NIBAN3: variants seen among roughly 807,000 people sequenced by gnomAD.
The protein encoded by NIBAN3 is protein Niban 3.
NIBAN3 carries 66 observed loss-of-function variants against 76.4 expected under a neutral mutation model. The ratio of observed to expected loss-of-function variants is 0.86; its 90% CI spans 0.71 to 1.06. NIBAN3 has a LOEUF of 1.06. NIBAN3 is among the 50% of genes least tolerant of loss of function. The pLI is 0.00. For missense variants in NIBAN3, 808 were observed against 810.7 expected (o/e 1.00, Z 0.04); for synonymous variants, 360 against 355.2 (o/e 1.01, Z -0.15).
At chr19:17,533,283 G>T (rs2075763344) in intron 3 of NIBAN3, among the ~76,000 whole-genome samples, 1 of 152,070 alleles carries the variant, frequency 6.6e-6, no homozygotes, top group Non-Finnish European at 1.5e-5. Context: ...GGTGGCGGGT[G>T]CCTGTAATCC....
At chr19:17,551,083 T>C (rs1454866949) in intron 14 of NIBAN3, among the ~76,000 whole-genome samples, 2 of 151,790 alleles carry the variant, frequency 1.3e-5, no homozygotes, top group African/African-American at 4.8e-5. Flanking sequence ...TACATTTCTT[T>C]TTCTTTTTAT....
At chr19:17,555,385 G>A (rs2144808877), downstream of NIBAN3, among the ~76,000 whole-genome samples, 1 of 152,336 alleles carries the variant, frequency 6.6e-6, no homozygotes, top group Non-Finnish European at 1.5e-5. Flanking sequence ...GAAATTGGGC[G>A]GCGCATCTGG....
At chr19:17,546,966 G>A (rs1159142979) in intron 13 of NIBAN3, among the ~76,000 whole-genome samples, 169 bp downstream of exon 13, 2 of 152,194 alleles carry the variant, frequency 1.3e-5, no homozygotes, top group African/African-American at 4.8e-5. Context: ...GAGGGGCAGG[G>A]ATGGATACTC....
intron 4 of NIBAN3, among the ~76,000 whole-genome samples, chr19:17,536,493 T>C (rs2075826913): frequency 6.6e-6 from 1 of 151,706 alleles, no homozygotes; most frequent in African/African-American, 2.4e-5. Context: ...CTGGCCTGGA[T>C]TGTTGGGTTT....
chr19:17,548,030 G>A (rs191169048), intron 13 of NIBAN3, among the ~76,000 whole-genome samples: 1 of 152,110 alleles, frequency 6.6e-6, no homozygotes, highest in South Asian at 2.1e-4. Context: ...TTTTTCTCTG[G>A]GCTGGCATTG....
chr19:17,553,608 C>G lies in NIBAN3; in HGVS notation c.*1710C>G. ...CCTATTTCCCTCCAACCCCACCTTC[C>G]GAAATACATTTGCTCAATACATTTG... On this transcript the variant is annotated 3_prime_UTR_variant, in exon 15 of 15. Coordinates refer to ENST00000599164, the MANE Select transcript of NIBAN3 (RefSeq NM_001321827.2). 1.3e-6 allele frequency: 2 copies of G among 1,539,254 alleles called. No homozygotes were observed. The highest frequency in any genetic ancestry group is 1.8e-6 in the Non-Finnish European group (2 of 1,113,198).
chr19:17,537,767 G>A (rs993562375), intron 5 of NIBAN3, among the ~76,000 whole-genome samples: 3 of 152,100 alleles, frequency 2.0e-5, no homozygotes, highest in East Asian at 1.9e-4. Flanking sequence ...ACAACATGGC[G>A]AAATCCTGTC....
At chr19:17,543,739 TC>T in intron 12 of NIBAN3, 108 bp downstream of exon 12, 2 of 937,620 alleles carry the variant, frequency 2.1e-6, no homozygotes, top group Non-Finnish European at 3.2e-6. Flanking sequence ...ATGCCTGTAA[TC>T]CCAGCAATTT....
intron 13 of NIBAN3, 146 bp from the exon 14 acceptor site, chr19:17,549,298 T>C (rs957093253): frequency 1.8e-5 from 12 of 653,518 alleles, no homozygotes; most frequent in Non-Finnish European, 2.7e-5. Flanking sequence ...ATGTCTGCCA[T>C]GGGTGCGGGC....
In NIBAN3 at chr19:17,533,510, C is replaced by T; in HGVS notation, c.313-77C>T. 5.3e-6 allele frequency: 5 copies of T among 944,162 alleles called. No homozygotes were observed. In the South Asian group the frequency reaches 5.8e-5, roughly 11 times the overall value. 58.5% of individuals were successfully genotyped at this position (944,162 alleles called of 1,614,324 possible). On this transcript the variant is annotated intron_variant, in intron 3 of 14. Coordinates refer to ENST00000599164, the MANE Select transcript of NIBAN3 (RefSeq NM_001321827.2). Reference sequence around the variant, plus strand: ...GATTTTTCAGCTCATCTGAAATCTTCCCTTGATGGTATAGTTGGGACACAG... The same window carrying T: ...GATTTTTCAGCTCATCTGAAATCTTTCCTTGATGGTATAGTTGGGACACAG...
In NIBAN3 at chr19:17,546,863, C is replaced by A. The variant is rs925624260; in HGVS notation, c.1666+66C>A. 6.5e-6 allele frequency: 10 copies of A among 1,529,166 alleles called. No individual in the cohort carries two copies. The African/African-American group carries it at 1.4e-4, about 21-fold the overall frequency. The allele number at this position is 1,529,166 out of a possible 1,614,324, so 94.7% of individuals were successfully genotyped here. On this transcript the variant is annotated intron_variant, in intron 13 of 14. Coordinates refer to ENST00000599164, the MANE Select transcript of NIBAN3 (RefSeq NM_001321827.2). Reference sequence around the variant, plus strand: ...CCTTGGCTGTATGTACCGAGCCCCACCAGGGCCACATCGACTCTCACTTCC... The same window carrying A: ...CCTTGGCTGTATGTACCGAGCCCCAACAGGGCCACATCGACTCTCACTTCC...
At chr19:17,543,468 C>T (rs753171590) in intron 11 of NIBAN3, 35 bp downstream of exon 11, 35 of 1,607,882 alleles carry the variant, frequency 2.2e-5, no homozygotes, top group Non-Finnish European at 2.9e-5. Flanking sequence ...CATGGGGTGG[C>T]AGTGGGCCTG....
intron 8 of NIBAN3, 131 bp from the exon 9 acceptor site, chr19:17,540,261 C>A: frequency 1.6e-6 from 1 of 611,454 alleles, no homozygotes; most frequent in Non-Finnish European, 2.5e-6. Context: ...GCTCAGTTTT[C>A]TCATCATTAC....
chr19:17,532,149 T>TA, intron 2 of NIBAN3, 114 bp from the exon 3 acceptor site: 1 of 1,332,900 alleles, frequency 7.5e-7, no homozygotes, highest in Non-Finnish European at 1.0e-6. Flanking sequence ...CTGTCCAGCC[T>TA]GGGGCATCAC....
intron 4 of NIBAN3, among the ~76,000 whole-genome samples, chr19:17,534,136 G>T (rs1463154456): frequency 6.6e-6 from 1 of 152,128 alleles, no homozygotes; most frequent in Admixed American, 6.6e-5. Context: ...CTGGGAGGTG[G>T]TGGCAGTGAG....
At position 17,553,198 on chromosome 19, in the gene NIBAN3, T is replaced by G; in HGVS notation, c.*1300T>G. The G allele has an allele frequency of 6.8e-7, 1 of 1,474,274 alleles. No individual in the cohort carries two copies. Among genetic ancestry groups the G allele is most frequent in the South Asian group, 1.4e-5 (1 of 70,232 alleles). The allele number at this position is 1,474,274 out of a possible 1,614,324, so 91.3% of individuals were successfully genotyped here. On this transcript the variant is annotated 3_prime_UTR_variant, in exon 15 of 15. Transcript: ENST00000599164. ...TTTTCAGGAGTGTTTGCATTTTTCT[T>G]ATTGATATCTAATAACTCTTTATAT...
intron 1 of NIBAN3, 33 bp downstream of exon 1, chr19:17,527,428 C>T: frequency 2.0e-6 from 3 of 1,481,232 alleles, no homozygotes; most frequent in Non-Finnish European, 2.7e-6. Context: ...GGGTGGGAGT[C>T]CAGGTGGGTG....
intron 13 of NIBAN3, among the ~76,000 whole-genome samples, chr19:17,547,893 A>T (rs1413250092): frequency 6.6e-6 from 1 of 150,836 alleles, no homozygotes; most frequent in African/African-American, 2.4e-5. Context: ...TCTCGAACTC[A>T]TGACCTCGTG....
At chr19:17,524,777 T>C (rs537254070), upstream of NIBAN3, among the ~76,000 whole-genome samples, 4 of 152,370 alleles carry the variant, frequency 2.6e-5, no homozygotes, top group African/African-American at 9.6e-5. Flanking sequence ...TGCTTTGCCC[T>C]GTCATCAGCT....
Sources: allele counts gnomAD v4.1 joint callset (sites outside exome capture counted in the v4.1 genomes callset), GRCh38; gene constraint gnomAD v4.1.1; transcripts MANE v1.5; gene names NCBI Gene and HGNC (gene_info 2026-07-23, HGNC 2026-07-21).